The following SLC71A2 variants were observed in gnomAD, a reference collection of about 807,000 sequenced individuals.
SLC71A2 encodes solute carrier family 71 member 2.
At chr9:94,445,175 C>T in the SLC71A2 span, 1 of 1,608,588 alleles carries the variant, frequency 6.2e-7, no homozygotes. Context: ...CAAGCAGACC[C>T]TTTTGCGGTA....
chr9:94,444,339 G>C, the SLC71A2 span, among the ~76,000 whole-genome samples: 2 of 152,204 alleles, frequency 1.3e-5, no homozygotes, highest in South Asian at 4.1e-4. Context: ...GTGACAGAGA[G>C]ACAGAAATCT....
chr9:94,382,357 T>A, the SLC71A2 span, among the ~76,000 whole-genome samples: 1 of 151,674 alleles, frequency 6.6e-6, no homozygotes, highest in South Asian at 2.1e-4. Flanking sequence ...TGTATATCCC[T>A]TTTGGCAAAG....
the SLC71A2 span, among the ~76,000 whole-genome samples, chr9:94,442,906 A>C: frequency 6.6e-6 from 1 of 152,076 alleles, no homozygotes; most frequent in South Asian, 2.1e-4. Flanking sequence ...CCTGCCAAAA[A>C]AAAGAAAAGA....
the SLC71A2 span, among the ~76,000 whole-genome samples, chr9:94,378,063 CACTGCACTCCAGCCTGGCGACAG>C: frequency 0.025 from 3,719 of 151,114 alleles, 84 homozygotes; most frequent in African/African-American, 0.064. Flanking sequence ...GAGATCGTGC[CACTGCACTCCAGCCTGGCGACAG>C]ACTGCACTCC....
the SLC71A2 span, among the ~76,000 whole-genome samples, chr9:94,451,828 T>G: frequency 1.3e-5 from 2 of 152,244 alleles, no homozygotes; most frequent in Non-Finnish European, 2.9e-5. Context: ...TTTAAAATTA[T>G]ATCCTTGACC....
chr9:94,443,717 C>T, the SLC71A2 span, among the ~76,000 whole-genome samples: 1 of 152,198 alleles, frequency 6.6e-6, no homozygotes, highest in East Asian at 1.9e-4. Context: ...CCTTTAACAC[C>T]TGAAGATGCT....
chr9:94,401,167 T>C, the SLC71A2 span, among the ~76,000 whole-genome samples: 1 of 152,012 alleles, frequency 6.6e-6, no homozygotes, highest in East Asian at 1.9e-4. Flanking sequence ...AAACACAGGC[T>C]AATTTTTTTG....
the SLC71A2 span, among the ~76,000 whole-genome samples, chr9:94,446,492 A>C: frequency 1.3e-5 from 2 of 152,226 alleles, no homozygotes; most frequent in Non-Finnish European, 2.9e-5. Context: ...ATTTTCTTAA[A>C]AGGTTCTGTA....
the SLC71A2 span, among the ~76,000 whole-genome samples, chr9:94,446,038 A>G: frequency 6.6e-6 from 1 of 152,228 alleles, no homozygotes; most frequent in Non-Finnish European, 1.5e-5. Flanking sequence ...CAAGTTATGC[A>G]TCAAAGCTCC....
the SLC71A2 span, chr9:94,432,933 T>C: frequency 7.7e-6 from 3 of 390,520 alleles, no homozygotes; most frequent in South Asian, 4.2e-5. Flanking sequence ...AAGTCTTGCA[T>C]AAAGGCATAA....
At chr9:94,391,277 C>G in the SLC71A2 span, among the ~76,000 whole-genome samples, 1 of 146,060 alleles carries the variant, frequency 6.8e-6, no homozygotes, top group Admixed American at 6.9e-5. Context: ...GCAGAAGGAT[C>G]ACTTGAGCCT....
chr9:94,439,033 T>TTTTTTTG, the SLC71A2 span, among the ~76,000 whole-genome samples: 1 of 134,598 alleles, frequency 7.4e-6, no homozygotes, highest in Non-Finnish European at 1.6e-5. Flanking sequence ...TTTTTTTTTT[T>TTTTTTTG]TTTTTGGAGA....
chr9:94,430,138 C>T, the SLC71A2 span, among the ~76,000 whole-genome samples: 2 of 151,334 alleles, frequency 1.3e-5, no homozygotes, highest in Non-Finnish European at 2.9e-5. Context: ...CTCTTGACCT[C>T]GTGATCTGCC....
the SLC71A2 span, among the ~76,000 whole-genome samples, chr9:94,457,464 C>G: frequency 0.027 from 3,309 of 122,564 alleles, 119 homozygotes; most frequent in African/African-American, 0.093. Context: ...TTTTTTTTTT[C>G]TATATCAGAA....
At chr9:94,448,669 G>A in the SLC71A2 span, among the ~76,000 whole-genome samples, 1 of 152,206 alleles carries the variant, frequency 6.6e-6, no homozygotes, top group Non-Finnish European at 1.5e-5. Flanking sequence ...GTCTTGCTCT[G>A]TTGCCCAGGC....
At chr9:94,423,348 C>T in the SLC71A2 span, among the ~76,000 whole-genome samples, 2 of 151,028 alleles carry the variant, frequency 1.3e-5, no homozygotes, top group East Asian at 1.9e-4. Context: ...ACATTTGCTA[C>T]GATTAAGGTG....
the SLC71A2 span, chr9:94,458,599 A>C: frequency 4.8e-6 from 4 of 837,226 alleles, no homozygotes; most frequent in Non-Finnish European, 5.8e-6. Context: ...TATTGTGTTC[A>C]TTGCTTCTCG....
chr9:94,378,146 G>A, the SLC71A2 span, among the ~76,000 whole-genome samples: 3 of 151,266 alleles, frequency 2.0e-5, no homozygotes, highest in African/African-American at 7.3e-5. Context: ...AAAAGGAGGT[G>A]TATGTTAGCT....
At chr9:94,418,454 T>G in the SLC71A2 span, among the ~76,000 whole-genome samples, 1 of 152,208 alleles carries the variant, frequency 6.6e-6, no homozygotes, top group Non-Finnish European at 1.5e-5. Flanking sequence ...ATACTTTGTT[T>G]TTTTTGGAGA....
Sources: gnomAD v4.1 joint callset for allele counts (sites outside exome capture counted in the v4.1 genomes callset) on GRCh38, gnomAD v4.1.1 for gene constraint, MANE v1.5 for transcripts, NCBI Gene and HGNC (gene_info 2026-07-23, HGNC 2026-07-21) for gene names.